Variants in PCDHA13 observed in about 807,000 individuals in gnomAD.
PCDHA13 encodes protocadherin alpha-13.
In PCDHA13, 54 loss-of-function variants were observed where a neutral mutation model predicts 64.8. That is an observed-to-expected ratio of 0.83 (90% CI 0.67 to 1.04). The LOEUF is 1.04. PCDHA13 is among the 50% of genes least tolerant of loss of function. PCDHA13 has a pLI of 0.00. For missense variants in PCDHA13, 1,248 were observed against 1,254.3 expected (o/e 0.99, Z 0.08); for synonymous variants, 587 against 564.4 (o/e 1.04, Z -0.57).
intron 1 of PCDHA13, among the ~76,000 whole-genome samples, chr5:140,938,194 C>T (rs782229712): frequency 5.9e-5 from 9 of 152,206 alleles, no homozygotes; most frequent in South Asian, 2.1e-4. Context: ...AATCCTCCCA[C>T]GCCAGCCTCC....
chr5:140,921,165 A>G (rs959305878), intron 1 of PCDHA13, among the ~76,000 whole-genome samples: 1 of 151,798 alleles, frequency 6.6e-6, no homozygotes, highest in Admixed American at 6.6e-5. Context: ...TTTTTTTAAC[A>G]CACATAAAGC....
intron 1 of PCDHA13, among the ~76,000 whole-genome samples, chr5:140,897,200 T>C (rs1462263623): frequency 1.3e-5 from 2 of 152,172 alleles, no homozygotes; most frequent in African/African-American, 4.8e-5. Context: ...TTTTTTATTA[T>C]ACTTTAAGTT....
At chr5:140,987,314 G>A (rs1554249065) in intron 3 of PCDHA13, among the ~76,000 whole-genome samples, 1 of 152,126 alleles carries the variant, frequency 6.6e-6, no homozygotes, top group Non-Finnish European at 1.5e-5. Flanking sequence ...CCAATGTACT[G>A]TGAAGTTTTA....
chr5:140,901,549 A>T (rs1554189886), intron 1 of PCDHA13, among the ~76,000 whole-genome samples: 1 of 152,052 alleles, frequency 6.6e-6, no homozygotes, highest in Non-Finnish European at 1.5e-5. Context: ...ATTCTGTTCC[A>T]TTCATCTATG....
At chr5:140,888,705 A>G (rs2061950008) in intron 1 of PCDHA13, among the ~76,000 whole-genome samples, 1 of 152,082 alleles carries the variant, frequency 6.6e-6, no homozygotes, top group South Asian at 2.1e-4. Context: ...ATTGGTAGGA[A>G]TGTGAAATAT....
At chr5:140,912,679 T>C (rs367681467) in intron 1 of PCDHA13, among the ~76,000 whole-genome samples, 6 of 152,216 alleles carry the variant, frequency 3.9e-5, no homozygotes, top group African/African-American at 1.4e-4. Context: ...CCTTGACTTA[T>C]TCCAGGTCTC....
At chr5:140,932,323 C>T (rs1259103502) in intron 1 of PCDHA13, among the ~76,000 whole-genome samples, 1 of 151,814 alleles carries the variant, frequency 6.6e-6, no homozygotes, top group Non-Finnish European at 1.5e-5. Flanking sequence ...ATTAATGTAG[C>T]AAAAATGCAT....
intron 1 of PCDHA13, among the ~76,000 whole-genome samples, chr5:140,962,286 T>C (rs1209495659): frequency 1.3e-5 from 2 of 152,224 alleles, no homozygotes; most frequent in Admixed American, 6.5e-5. Context: ...CCTCAACCTT[T>C]AATATTCTAT....
At chr5:140,966,971 C>G (rs375161984) in intron 1 of PCDHA13, 1 of 1,602,808 alleles carries the variant, frequency 6.2e-7, no homozygotes, top group Non-Finnish European at 8.5e-7. Flanking sequence ...GGGGCTTGAG[C>G]TGCGGCGCTT....
intron 1 of PCDHA13, among the ~76,000 whole-genome samples, chr5:140,898,789 C>T (rs1424905656): frequency 6.6e-6 from 1 of 152,162 alleles, no homozygotes; most frequent in Non-Finnish European, 1.5e-5. Context: ...GCAGTATGGC[C>T]ATTTTCACGA....
rs113635864 is a variant in PCDHA13 at position 140,947,396 on chromosome 5, A to T, written c.2395-31553A>T. On this transcript the variant is annotated intron_variant, in intron 1 of 3. Coordinates refer to ENST00000289272, the MANE Select transcript of PCDHA13 (RefSeq NM_018904.3). ...ATATGTTTATCCTTTCACTAAAAGT[A>T]GACTGTCTTGATATTGTAGCTTTAT... Among the ~76,000 whole-genome samples the T allele has an allele frequency of 7.1e-3, 1,081 of 151,828 alleles. 11 individuals are homozygous for T. The highest frequency in any genetic ancestry group is 0.025 in the African/African-American group (1,045 of 41,538).
chr5:140,969,167 T>G (rs1554231527), intron 1 of PCDHA13: 1 of 1,613,668 alleles, frequency 6.2e-7, no homozygotes. Flanking sequence ...GACAGCAGGC[T>G]CAGGGAGTGA....
chr5:140,886,844 A>AG lies in PCDHA13; in HGVS notation c.2394+2182_2394+2183insG, dbSNP rs1203919867. Among the ~76,000 whole-genome samples, 142 of 150,728 alleles carry AG rather than the reference A, an allele frequency of 9.4e-4. 2 individuals are homozygous for AG. Among genetic ancestry groups the AG allele is most frequent in the African/African-American group, 2.8e-3 (117 of 41,122 alleles). ...TTCGTCTTGAAAAAAAAAAAAAAAAAAAAGAAAGGTCTTCCCAACTCCTAT... is the reference window on the plus strand; with the variant it reads ...TTCGTCTTGAAAAAAAAAAAAAAAAAGAAAGAAAGGTCTTCCCAACTCCTAT... On this transcript the variant is annotated intron_variant, in intron 1 of 3. Coordinates refer to ENST00000289272, the MANE Select transcript of PCDHA13 (RefSeq NM_018904.3).
chr5:140,900,062 A>C (rs1221394657), intron 1 of PCDHA13, among the ~76,000 whole-genome samples: 1 of 152,138 alleles, frequency 6.6e-6, no homozygotes, highest in Non-Finnish European at 1.5e-5. Flanking sequence ...CTTTAACCTC[A>C]GCCTCCAAAA....
chr5:140,985,096 C>A (rs1486346952), intron 3 of PCDHA13, among the ~76,000 whole-genome samples: 1 of 152,096 alleles, frequency 6.6e-6, no homozygotes, highest in Non-Finnish European at 1.5e-5. Context: ...TGCCACCAAG[C>A]CTGGCTAATT....
chr5:140,987,096 C>T (rs1266691790), intron 3 of PCDHA13, among the ~76,000 whole-genome samples: 3 of 151,912 alleles, frequency 2.0e-5, no homozygotes, highest in African/African-American at 7.3e-5. Context: ...TGCCTGTAAT[C>T]CCAGCTACTC....
intron 1 of PCDHA13, among the ~76,000 whole-genome samples, chr5:140,917,003 A>C (rs2077823052): frequency 6.6e-6 from 1 of 151,818 alleles, no homozygotes; most frequent in Non-Finnish European, 1.5e-5. Flanking sequence ...CTGTTCCAAA[A>C]TCTCCCTTCA....
At chr5:140,935,894 CTT>C (rs55841305) in intron 1 of PCDHA13, among the ~76,000 whole-genome samples, 8 of 136,706 alleles carry the variant, frequency 5.9e-5, no homozygotes, top group Non-Finnish European at 3.1e-5. Context: ...TCAATATTAT[CTT>C]TTTTTTTTTT....
chr5:140,939,904 T>A (rs1554213033), intron 1 of PCDHA13, among the ~76,000 whole-genome samples: 3 of 152,228 alleles, frequency 2.0e-5, no homozygotes, highest in Non-Finnish European at 2.9e-5. Context: ...TTCTGCATTC[T>A]TTTTTATTCT....
Sources: allele counts gnomAD v4.1 joint callset (sites outside exome capture counted in the v4.1 genomes callset), GRCh38; gene constraint gnomAD v4.1.1; transcripts MANE v1.5; gene names NCBI Gene and HGNC (gene_info 2026-07-23, HGNC 2026-07-21).